The following ARHGAP42 variants were observed in gnomAD, a reference collection of about 807,000 sequenced individuals.
ARHGAP42 encodes the protein rho GTPase-activating protein 42.
In ARHGAP42, 63 loss-of-function variants were observed where a neutral mutation model predicts 125.0. That is an observed-to-expected ratio of 0.50 (90% CI 0.41 to 0.62). ARHGAP42 has a LOEUF of 0.62. Among genes scored for constraint, ARHGAP42 ranks in the 20% least tolerant of loss-of-function variants. The probability of loss-of-function intolerance (pLI) is 0.00; values close to 1 mark genes in which losing one functional copy is unlikely to be tolerated. For missense variants in ARHGAP42, 766 were observed against 1,024.2 expected (o/e 0.75, Z 3.44); for synonymous variants, 339 against 351.0 (o/e 0.97, Z 0.38).
intron 4 of ARHGAP42, among the ~76,000 whole-genome samples, chr11:100,878,410 G>A (rs530657037): frequency 3.9e-5 from 6 of 152,182 alleles, no homozygotes; most frequent in Non-Finnish European, 5.9e-5. Context: ...TTCTCCATGC[G>A]GTAGTAGGAG....
intron 3 of ARHGAP42, among the ~76,000 whole-genome samples, chr11:100,808,905 C>T (rs1819456029): frequency 6.6e-6 from 1 of 152,140 alleles, no homozygotes; most frequent in African/African-American, 2.4e-5. Context: ...AAGCCTAACT[C>T]TTAGGGGTTC....
intron 2 of ARHGAP42, among the ~76,000 whole-genome samples, chr11:100,792,331 T>G (rs1294651200): frequency 6.6e-6 from 1 of 152,228 alleles, no homozygotes; most frequent in Admixed American, 6.5e-5. Context: ...GTTTTATTCT[T>G]CATTATATGT....
At chr11:100,710,203 T>C (rs1193116218) in intron 1 of ARHGAP42, among the ~76,000 whole-genome samples, 2 of 152,138 alleles carry the variant, frequency 1.3e-5, no homozygotes, top group African/African-American at 4.8e-5. Flanking sequence ...CTTTTATATA[T>C]TATAACATTG....
intron 3 of ARHGAP42, among the ~76,000 whole-genome samples, chr11:100,799,627 G>T (rs940971731): frequency 3.9e-5 from 6 of 152,190 alleles, no homozygotes; most frequent in Admixed American, 6.5e-5. Flanking sequence ...GGAGCCAAGA[G>T]AAATAGTTCT....
chr11:100,986,687 T>G, intron 22 of ARHGAP42, among the ~76,000 whole-genome samples: 1 of 152,032 alleles, frequency 6.6e-6, no homozygotes, highest in Non-Finnish European at 1.5e-5. Context: ...GTACTTGGAG[T>G]TGGGATCAGT....
At chr11:100,818,738 G>C (rs572966729) in intron 3 of ARHGAP42, among the ~76,000 whole-genome samples, 1 of 152,102 alleles carries the variant, frequency 6.6e-6, no homozygotes, top group Admixed American at 6.6e-5. Flanking sequence ...GAAGTGGTAC[G>C]GTGTATTTTT....
chr11:100,778,631 G>T (rs902661294), intron 2 of ARHGAP42, among the ~76,000 whole-genome samples: 5 of 151,846 alleles, frequency 3.3e-5, no homozygotes, highest in African/African-American at 1.2e-4. Flanking sequence ...GATGGAAGCA[G>T]CTGGGAAAGT....
chr11:100,793,337 T>G (rs1863618238), intron 2 of ARHGAP42, among the ~76,000 whole-genome samples: 1 of 152,214 alleles, frequency 6.6e-6, no homozygotes, highest in Non-Finnish European at 1.5e-5. Flanking sequence ...TTCAACTAAC[T>G]GTTGTCAAAA....
chr11:100,739,860 C>G (rs898730507), intron 1 of ARHGAP42, among the ~76,000 whole-genome samples: 1 of 152,132 alleles, frequency 6.6e-6, no homozygotes, highest in African/African-American at 2.4e-5. Flanking sequence ...TGACATACCC[C>G]ACCCCCAACA....
chr11:100,940,654 A>G (rs1185666410), intron 8 of ARHGAP42, among the ~76,000 whole-genome samples: 2 of 152,190 alleles, frequency 1.3e-5, no homozygotes, highest in African/African-American at 2.4e-5. Flanking sequence ...AGTGGAAATT[A>G]TTTTCATTTT....
chr11:100,835,138 T>C (rs1314755330), intron 3 of ARHGAP42, among the ~76,000 whole-genome samples: 1 of 152,050 alleles, frequency 6.6e-6, no homozygotes, highest in East Asian at 1.9e-4. Flanking sequence ...GAAAGCCCCA[T>C]CCTCAAGGCC....
intron 1 of ARHGAP42, chr11:100,738,323 A>C (rs1366579221): frequency 6.6e-6 from 1 of 152,202 alleles, no homozygotes; most frequent in Non-Finnish European, 1.5e-5. Context: ...TTGAGAGTTC[A>C]TATGTGGAAA....
intron 1 of ARHGAP42, among the ~76,000 whole-genome samples, chr11:100,740,858 A>G (rs910423318): frequency 5.9e-5 from 9 of 152,114 alleles, no homozygotes; most frequent in Non-Finnish European, 1.2e-4. Context: ...ATGTCTATCA[A>G]GAGAAGAATA....
intron 2 of ARHGAP42, among the ~76,000 whole-genome samples, chr11:100,776,671 G>C (rs1283695775): frequency 6.6e-6 from 1 of 152,098 alleles, no homozygotes; most frequent in Non-Finnish European, 1.5e-5. Context: ...ATAGCAACAA[G>C]GATAGTGCCT....
At chr11:100,770,314 T>C (rs1449994269) in intron 1 of ARHGAP42, 29 bp from the exon 2 acceptor site, 4 of 1,462,674 alleles carry the variant, frequency 2.7e-6, no homozygotes, top group Non-Finnish European at 3.7e-6. Context: ...CCTCACCTTA[T>C]GGATTTTTTG....
At chr11:100,842,911 C>G (rs770352780) in intron 3 of ARHGAP42, among the ~76,000 whole-genome samples, 6 of 151,780 alleles carry the variant, frequency 4.0e-5, no homozygotes, top group Non-Finnish European at 5.9e-5. Context: ...CCTCAAGGAA[C>G]TAGAGAAACA....
At chr11:100,911,261 A>G (rs1345942007) in intron 4 of ARHGAP42, among the ~76,000 whole-genome samples, 1 of 152,188 alleles carries the variant, frequency 6.6e-6, no homozygotes, top group Non-Finnish European at 1.5e-5. Context: ...GGCCACTATT[A>G]TAAGAAGAAG....
intron 1 of ARHGAP42, among the ~76,000 whole-genome samples, chr11:100,701,834 T>C (rs1440901907): frequency 6.6e-6 from 1 of 152,218 alleles, no homozygotes; most frequent in Non-Finnish European, 1.5e-5. Flanking sequence ...ATTTTTTTTT[T>C]CTACCTCATG....
intron 1 of ARHGAP42, among the ~76,000 whole-genome samples, chr11:100,720,482 T>G (rs1488783696): frequency 6.6e-6 from 1 of 152,160 alleles, no homozygotes; most frequent in Non-Finnish European, 1.5e-5. Context: ...ATAATAATAT[T>G]TAATAATAAC....
Sources: allele counts gnomAD v4.1 joint callset (sites outside exome capture counted in the v4.1 genomes callset), GRCh38; gene constraint gnomAD v4.1.1; transcripts MANE v1.5; gene names NCBI Gene and HGNC (gene_info 2026-07-23, HGNC 2026-07-21).